POFUT3: variants seen among roughly 807,000 people sequenced by gnomAD.
POFUT3 encodes the protein protein O-fucosyltransferase 3.
chr8:33,389,948 A>T, the POFUT3 span: 1 of 620,756 alleles, frequency 1.6e-6, no homozygotes, highest in East Asian at 2.8e-5. Context: ...TAATCCCAGC[A>T]CTTTGGGAGG....
the POFUT3 span, among the ~76,000 whole-genome samples, chr8:33,469,867 C>T: frequency 7.3e-6 from 1 of 136,786 alleles, no homozygotes; most frequent in African/African-American, 2.7e-5. Context: ...TGTAGTGGCA[C>T]TCACCACAAT....
At chr8:33,407,125 G>A in the POFUT3 span, among the ~76,000 whole-genome samples, 1 of 152,092 alleles carries the variant, frequency 6.6e-6, no homozygotes, top group African/African-American at 2.4e-5. Context: ...AATTTATATG[G>A]AAAATTATGT....
At chr8:33,325,787 T>C in the POFUT3 span, among the ~76,000 whole-genome samples, 15 of 152,200 alleles carry the variant, frequency 9.9e-5, 1 homozygote, top group Non-Finnish European at 1.3e-4. Context: ...TCTGGACTCA[T>C]TCTGGTTCAG....
At chr8:33,353,458 C>A in the POFUT3 span, among the ~76,000 whole-genome samples, 6 of 152,332 alleles carry the variant, frequency 3.9e-5, no homozygotes, top group South Asian at 1.2e-3. Flanking sequence ...GAGATCACTG[C>A]AGAAACCCCG....
chr8:33,407,349 T>C, the POFUT3 span, among the ~76,000 whole-genome samples: 2 of 152,178 alleles, frequency 1.3e-5, no homozygotes, highest in Non-Finnish European at 1.5e-5. Context: ...AAAATTAAAC[T>C]GACTTCAAAG....
the POFUT3 span, among the ~76,000 whole-genome samples, chr8:33,309,199 TACAC>T: frequency 1.8e-3 from 164 of 89,700 alleles, 5 homozygotes; most frequent in African/African-American, 7.3e-3. Context: ...TATATATATA[TACAC>T]ACACATATTT....
At chr8:33,380,576 C>T in the POFUT3 span, among the ~76,000 whole-genome samples, 1 of 152,010 alleles carries the variant, frequency 6.6e-6, no homozygotes, top group African/African-American at 2.4e-5. Context: ...GTGGCTCATG[C>T]CTATAATCCC....
chr8:33,447,176 C>T, the POFUT3 span, among the ~76,000 whole-genome samples: 82,683 of 151,984 alleles, frequency 0.54, 22,802 homozygotes, highest in Non-Finnish European at 0.59. Flanking sequence ...AGGCCGGGCG[C>T]GGTGGCTCAA....
chr8:33,366,646 C>T, the POFUT3 span, among the ~76,000 whole-genome samples: 1 of 152,174 alleles, frequency 6.6e-6, no homozygotes, highest in African/African-American at 2.4e-5. Context: ...TTGTCAAGCT[C>T]AATGTGGTGG....
chr8:33,336,404 G>C, the POFUT3 span, among the ~76,000 whole-genome samples: 1 of 152,170 alleles, frequency 6.6e-6, no homozygotes, highest in Admixed American at 6.5e-5. Context: ...GGTGAATTTT[G>C]AGTATTTTTA....
the POFUT3 span, among the ~76,000 whole-genome samples, chr8:33,316,299 C>G: frequency 1.3e-5 from 2 of 152,090 alleles, no homozygotes; most frequent in South Asian, 4.2e-4. Flanking sequence ...CTATCTTCCC[C>G]ACTTTACCTT....
At chr8:33,447,795 A>T in the POFUT3 span, among the ~76,000 whole-genome samples, 1 of 152,174 alleles carries the variant, frequency 6.6e-6, no homozygotes. Flanking sequence ...TCAGCTTTTG[A>T]TACTTCCATC....
the POFUT3 span, chr8:33,377,400 T>G: frequency 6.6e-6 from 1 of 152,172 alleles, no homozygotes; most frequent in Non-Finnish European, 1.5e-5. Context: ...AATGGATGGC[T>G]TGCTCATGAT....
chr8:33,367,305 C>T, the POFUT3 span, among the ~76,000 whole-genome samples: 8 of 152,214 alleles, frequency 5.3e-5, no homozygotes, highest in African/African-American at 1.9e-4. Context: ...AAGCCACAAA[C>T]AATAGCATGA....
the POFUT3 span, among the ~76,000 whole-genome samples, chr8:33,386,188 C>CAAAA: frequency 5.6e-3 from 179 of 32,042 alleles, 12 homozygotes; most frequent in African/African-American, 0.013. Context: ...GGCTCCATCT[C>CAAAA]AAAAAAAAAA....
chr8:33,436,439 T>TG, the POFUT3 span: 1 of 1,444,240 alleles, frequency 6.9e-7, no homozygotes, highest in Admixed American at 1.7e-5. Flanking sequence ...TTGGTACAGG[T>TG]GGGACTGATG....
At chr8:33,428,812 CAAG>C in the POFUT3 span, among the ~76,000 whole-genome samples, 2 of 152,206 alleles carry the variant, frequency 1.3e-5, no homozygotes, top group African/African-American at 4.8e-5. Context: ...GATGACATAG[CAAG>C]AAGGACCTCG....
At chr8:33,450,016 C>A in the POFUT3 span, among the ~76,000 whole-genome samples, 1 of 147,630 alleles carries the variant, frequency 6.8e-6, no homozygotes, top group African/African-American at 2.5e-5. Flanking sequence ...CGGCTCACTG[C>A]AACCTCCACC....
chr8:33,386,249 T>A, the POFUT3 span, among the ~76,000 whole-genome samples: 11 of 146,596 alleles, frequency 7.5e-5, no homozygotes, highest in South Asian at 1.9e-3. Context: ...TTTCATAGAA[T>A]GTTTTATTCT....
Sources: gnomAD v4.1 joint callset for allele counts (sites outside exome capture counted in the v4.1 genomes callset) on GRCh38, gnomAD v4.1.1 for gene constraint, MANE v1.5 for transcripts, NCBI Gene and HGNC (gene_info 2026-07-23, HGNC 2026-07-21) for gene names.